PPP6R3: variants seen among roughly 807,000 people sequenced by gnomAD.
The protein encoded by PPP6R3 is serine/threonine-protein phosphatase 6 regulatory subunit 3.
In PPP6R3, 38 loss-of-function variants were observed where a neutral mutation model predicts 110.7. The ratio of observed to expected loss-of-function variants is 0.34; its 90% CI spans 0.26 to 0.45. The LOEUF is 0.45. Ranked by LOEUF, PPP6R3 falls within the 20% of genes least tolerant of loss-of-function variation. PPP6R3 has a pLI of 1.00. For synonymous variants in PPP6R3, 369 were observed against 373.5 expected (o/e 0.99, Z 0.14); for missense variants, 870 against 1,062.4 (o/e 0.82, Z 2.52).
rs941756756 is a variant in PPP6R3, at chr11:68,596,142, A to T, written c.1962A>T (p.Glu654Asp). The T allele has an allele frequency of 6.2e-7, 1 of 1,614,242 alleles. No homozygotes were observed. Among genetic ancestry groups the T allele is most frequent in the Non-Finnish European group, 8.5e-7 (1 of 1,180,030 alleles). The change falls in exon 19 of 24, where the codon GAA becomes GAT. Residue 654 changes from glutamate to aspartate, a missense_variant. Transcript: ENST00000393800. ...DSEESTDSEEEDGAKQDLFEP... is the reference protein window; with the variant it reads ...DSEESTDSEEDDGAKQDLFEP... ...AGGAAAGTACAGACTCTGAAGAAGA[A>T]GATGGAGCAAAGCAAGACTTGTTTG... is the stretch of plus-strand genomic sequence containing the variant.
At chr11:68,506,832 C>A (rs1334614059) in intron 1 of PPP6R3, among the ~76,000 whole-genome samples, 1 of 152,094 alleles carries the variant, frequency 6.6e-6, no homozygotes, top group African/African-American at 2.4e-5. Context: ...TACCTTTGTA[C>A]TATGGATTAT....
chr11:68,533,272 A>G (rs752605255), intron 2 of PPP6R3, among the ~76,000 whole-genome samples: 25 of 152,240 alleles, frequency 1.6e-4, no homozygotes, highest in African/African-American at 6.0e-4. Flanking sequence ...GGTAAAATAC[A>G]TAATTTTTGT....
intron 1 of PPP6R3, among the ~76,000 whole-genome samples, chr11:68,471,621 C>G (rs1225751021): frequency 6.6e-6 from 1 of 152,130 alleles, no homozygotes; most frequent in Admixed American, 6.5e-5. Context: ...AAGAGAAAGG[C>G]AAGTAGAGCT....
intron 13 of PPP6R3, 69 bp downstream of exon 13, chr11:68,574,293 A>C: frequency 8.2e-7 from 1 of 1,223,508 alleles, no homozygotes; most frequent in South Asian, 1.3e-5. Flanking sequence ...GTCAAGTAGA[A>C]ATGCATGTAG....
intron 3 of PPP6R3, among the ~76,000 whole-genome samples, chr11:68,540,874 C>T (rs774772670): frequency 5.9e-5 from 9 of 152,318 alleles, no homozygotes; most frequent in East Asian, 3.9e-4. Flanking sequence ...CCCTGAACAT[C>T]GCTGCTATCC....
intron 18 of PPP6R3, 50 bp downstream of exon 18, chr11:68,591,756 A>G (rs776261166): frequency 5.8e-6 from 9 of 1,555,356 alleles, no homozygotes; most frequent in African/African-American, 1.4e-5. Flanking sequence ...TGTAAAGAAA[A>G]TGATTATCAT....
rs1943589151 is a variant in PPP6R3, at chr11:68,611,840, AC to A, written c.2571-1223del. Among the ~76,000 whole-genome samples the A allele has an allele frequency of 2.0e-5, 3 of 152,128 alleles. No homozygotes were observed. The South Asian group carries it at 6.2e-4, about 32-fold the overall frequency. On this transcript the variant is annotated intron_variant, in intron 23 of 23. Coordinates refer to ENST00000393800, the MANE Select transcript of PPP6R3 (RefSeq NM_001164161.2). ...ATGACAGCATGGGATATTGAAGCTCACCCGTCTTTCCTGTGTGGTTCCCGTC... is the reference window on the plus strand; with the variant it reads ...ATGACAGCATGGGATATTGAAGCTCACCGTCTTTCCTGTGTGGTTCCCGTC...
intron 3 of PPP6R3, among the ~76,000 whole-genome samples, chr11:68,538,418 A>T (rs575912769): frequency 2.0e-5 from 3 of 152,202 alleles, no homozygotes; most frequent in Admixed American, 6.5e-5. Context: ...TCACTGTAAC[A>T]CTTTTTCTAC....
At chr11:68,534,997 A>G (rs2099262385) in intron 2 of PPP6R3, among the ~76,000 whole-genome samples, 1 of 152,190 alleles carries the variant, frequency 6.6e-6, no homozygotes, top group African/African-American at 2.4e-5. Context: ...ATCAAATGGC[A>G]TAATAAAGTT....
intron 15 of PPP6R3, among the ~76,000 whole-genome samples, chr11:68,585,988 C>T (rs1247552609): frequency 6.6e-6 from 1 of 152,032 alleles, no homozygotes; most frequent in Non-Finnish European, 1.5e-5. Flanking sequence ...AGAGAGCTGG[C>T]TGCGATGGCA....
chr11:68,574,303 G>C (rs2099521865), intron 13 of PPP6R3, 79 bp downstream of exon 13: 1 of 1,108,744 alleles, frequency 9.0e-7, no homozygotes, highest in South Asian at 1.3e-5. Flanking sequence ...AATGCATGTA[G>C]CATTTTTAAT....
intron 20 of PPP6R3, among the ~76,000 whole-genome samples, chr11:68,600,705 A>G (rs1277006958): frequency 6.6e-6 from 1 of 152,242 alleles, no homozygotes; most frequent in African/African-American, 2.4e-5. Context: ...TTAATTGGAA[A>G]TGGGAGTAGT....
At chr11:68,583,020 C>G (rs762761734) in intron 14 of PPP6R3, 23 bp from the exon 15 acceptor site, 3 of 1,429,302 alleles carry the variant, frequency 2.1e-6, no homozygotes, top group South Asian at 1.3e-5. Flanking sequence ...GTTAAATAGT[C>G]TTTTACATTT....
Position 68,554,198 on chromosome 11 carries a change from C to G in PPP6R3, c.672C>G (p.Asp224Glu). Residue 224 changes from aspartate (D) to glutamate (E), a missense_variant, in exon 7 of 24, where the codon GAC (aspartate) becomes GAG (glutamate). By Grantham distance (45) the Asp-to-Glu change is conservative (BLOSUM62 2). Coordinates refer to ENST00000393800, the MANE Select transcript of PPP6R3 (RefSeq NM_001164161.2). ...GTGAAATTGTTCGCCTGAGCAGAGACCAGATGTTACAAATTCAGAACAGTA... is the reference window on the plus strand; with the variant it reads ...GTGAAATTGTTCGCCTGAGCAGAGAGCAGATGTTACAAATTCAGAACAGTA... ...SLCEIVRLSR[D>E]QMLQIQNSTE... 1.2e-6 allele frequency: 2 copies of G among 1,613,916 alleles called. No individual in the cohort carries two copies. Among genetic ancestry groups the G allele is most frequent in the Non-Finnish European group, 1.7e-6 (2 of 1,179,926 alleles).
At chr11:68,611,330 G>A (rs116870869) in intron 23 of PPP6R3, among the ~76,000 whole-genome samples, 1,562 of 152,324 alleles carry the variant, frequency 0.01, 12 homozygotes, top group African/African-American at 0.012. Flanking sequence ...TGCTTCAGGG[G>A]AATATTCTTG....
chr11:68,537,858 C>T lies in PPP6R3; in HGVS notation c.194C>T (p.Pro65Leu). The change falls in exon 3 of 24, where the codon CCA (proline) becomes CTA (leucine). Residue 65 changes from proline to leucine, a missense_variant. Transcript: ENST00000393800. ...EDLVSFIIEEPPQDMDEKIRY... is the reference protein window; with the variant it reads ...EDLVSFIIEELPQDMDEKIRY... ...TTAGTCTCATTCATTATAGAAGAAC[C>T]ACCTCAAGACATGGATGAAAAGATC... The T allele has an allele frequency of 3.7e-6, 6 of 1,612,510 alleles. No homozygotes were observed. Among genetic ancestry groups the T allele is most frequent in the Non-Finnish European group, 5.1e-6 (6 of 1,178,696 alleles).
chr11:68,550,971 G>GA, intron 5 of PPP6R3, 150 bp from the exon 6 acceptor site: 1 of 575,224 alleles, frequency 1.7e-6, no homozygotes, highest in Admixed American at 3.5e-5. Context: ...TTCCTTGGGG[G>GA]ACTTTTAATT....
chr11:68,516,573 A>T (rs773036323), intron 1 of PPP6R3, among the ~76,000 whole-genome samples: 22 of 152,158 alleles, frequency 1.4e-4, no homozygotes, highest in Admixed American at 2.6e-4. Flanking sequence ...TCTCTACCAT[A>T]CTTCACTTGC....
At chr11:68,496,325 C>A (rs1403512342) in intron 1 of PPP6R3, among the ~76,000 whole-genome samples, 1 of 152,032 alleles carries the variant, frequency 6.6e-6, no homozygotes, top group East Asian at 1.9e-4. Flanking sequence ...CCATGCCCAG[C>A]CTTTCCCATC....
Sources: gnomAD v4.1 joint callset for allele counts (sites outside exome capture counted in the v4.1 genomes callset) on GRCh38, gnomAD v4.1.1 for gene constraint, MANE v1.5 for transcripts, NCBI Gene and HGNC (gene_info 2026-07-23, HGNC 2026-07-21) for gene names.